CD163L1: variants seen among roughly 807,000 people sequenced by gnomAD.
CD163L1 encodes the protein scavenger receptor cysteine-rich type 1 protein M160.
CD163L1 carries 124 observed loss-of-function variants against 165.4 expected under a neutral mutation model. The observed-to-expected ratio is 0.75, with a 90% CI of 0.65 to 0.87. The LOEUF (loss-of-function observed/expected upper bound fraction) is 0.87, where lower values mean the gene tolerates loss of function less well. Among genes scored for constraint, CD163L1 ranks in the 40% least tolerant of loss-of-function variants. The pLI is 0.00. For missense variants in CD163L1, 1,525 were observed against 1,799.9 expected, an observed-to-expected ratio of 0.85 and a Z score of 2.76; for synonymous variants, 585 against 662.2, an observed-to-expected ratio of 0.88 and a Z score of 1.79.
Position 7,368,582 on chromosome 12 carries a change from A to AGG in CD163L1, c.4072+350_4072+351insCC, listed in dbSNP as rs1947071042. Among the ~76,000 whole-genome samples the AGG allele has an allele frequency of 7.0e-6, 1 of 143,032 alleles. No individual in the cohort carries two copies. 93.8% of individuals were successfully genotyped at this position (143,032 alleles called of 152,430 possible). A position where few individuals can be genotyped will look rare whatever the true frequency, so the allele number is the denominator to read the frequency against. On this transcript the variant is annotated intron_variant, in intron 16 of 19. Coordinates refer to ENST00000313599, the MANE Select transcript of CD163L1 (RefSeq NM_174941.6). The surrounding 1 kb of genome is among the most constrained non-coding windows in gnomAD (Gnocchi z 4.3). ...TCATTCTGTCACCCAGGCTGAGTGTACTGGCACGATCTCGGCTCACTGCAA... is the reference window on the plus strand; with the variant it reads ...TCATTCTGTCACCCAGGCTGAGTGTAGGCTGGCACGATCTCGGCTCACTGCAA...
intron 4 of CD163L1, among the ~76,000 whole-genome samples, chr12:7,423,227 C>T (rs1266897109): frequency 1.3e-5 from 2 of 152,116 alleles, no homozygotes; most frequent in Non-Finnish European, 2.9e-5. Context: ...TTCTGAATGA[C>T]TACTAAGTAA....
intron 4 of CD163L1, among the ~76,000 whole-genome samples, chr12:7,426,016 C>T (rs1307116645): frequency 6.6e-6 from 1 of 152,108 alleles, no homozygotes; most frequent in Non-Finnish European, 1.5e-5. Context: ...GTACTATTTA[C>T]AAAAGCAAAG....
chr12:7,443,278 T>A (rs1461591793), intron 1 of CD163L1, among the ~76,000 whole-genome samples: 1 of 152,246 alleles, frequency 6.6e-6, no homozygotes, highest in Admixed American at 6.5e-5. Context: ...GTAATTGCAC[T>A]GAGGAATGGC....
intron 8 of CD163L1, among the ~76,000 whole-genome samples, chr12:7,386,717 C>T (rs1017802963): frequency 9.3e-5 from 14 of 150,718 alleles, no homozygotes; most frequent in African/African-American, 3.4e-4. Flanking sequence ...GAATGAATGA[C>T]AAAAACCATA....
At position 7,398,121 on chromosome 12, in the gene CD163L1, GTGAAC is replaced by G; in HGVS notation, c.1729+138_1729+142del. Reference sequence around the variant, plus strand: ...TATAAGTGGAAGAGTTCCAGGTGAAGTGAACTGAAGTCTAATTTAAAGACAAGAGT... The same window carrying G: ...TATAAGTGGAAGAGTTCCAGGTGAAGTGAAGTCTAATTTAAAGACAAGAGT... On this transcript the variant is annotated intron_variant, in intron 7 of 19. Transcript: ENST00000313599. The surrounding 1 kb of genome is among the most constrained non-coding windows in gnomAD (Gnocchi z 4.5). 1 of 670,714 alleles carries G rather than the reference GTGAAC, an allele frequency of 1.5e-6. No homozygotes were observed. Among genetic ancestry groups the G allele is most frequent in the Non-Finnish European group, 2.5e-6 (1 of 400,618 alleles). 41.5% of individuals were successfully genotyped at this position (670,714 alleles called of 1,614,324 possible). A position where few individuals can be genotyped will look rare whatever the true frequency, so the allele number is the denominator to read the frequency against.
chr12:7,343,288 C>T (rs760519107), downstream of CD163L1, among the ~76,000 whole-genome samples: 15 of 152,176 alleles, frequency 9.9e-5, no homozygotes, highest in Non-Finnish European at 1.5e-4. Flanking sequence ...GAAGTTAAAA[C>T]GATTTGCGAA....
chr12:7,390,412 C>T (rs1015514311), intron 8 of CD163L1, among the ~76,000 whole-genome samples: 1 of 152,066 alleles, frequency 6.6e-6, no homozygotes, highest in Non-Finnish European at 1.5e-5. Flanking sequence ...ATCCTAAATA[C>T]CCTGAGTTGA....
In CD163L1 at chr12:7,369,481, A is replaced by T. The variant is rs746907494; in HGVS notation, c.3915T>A (p.Thr1305=). The T allele has an allele frequency of 4.3e-6, 7 of 1,614,164 alleles. No individual in the cohort carries two copies. Among genetic ancestry groups the T allele is most frequent in the Non-Finnish European group, 5.9e-6 (7 of 1,180,028 alleles). ...GCATGTCATCCAACCAGATGGTTCCAGTTCCCTGGCCAAACGAAGCGTCCC... is the reference window on the plus strand; with the variant it reads ...GCATGTCATCCAACCAGATGGTTCCTGTTCCCTGGCCAAACGAAGCGTCCC... ...ALRDASFGQG[T]GTIWLDDMRC... Residue 1305 remains threonine (T), a synonymous_variant, in exon 15 of 20, where the codon ACT becomes ACA. Coordinates refer to ENST00000313599, the MANE Select transcript of CD163L1 (RefSeq NM_174941.6). The surrounding 1 kb of genome is among the most constrained non-coding windows in gnomAD (Gnocchi z 4.9).
chr12:7,444,042 C>G (rs1215080887), intron 1 of CD163L1, 55 bp downstream of exon 1: 6 of 1,519,568 alleles, frequency 3.9e-6, no homozygotes, highest in Admixed American at 3.4e-5. Flanking sequence ...TACACATATT[C>G]TTAGTATACC....
the CD163L1 span, chr12:7,328,278 G>A: frequency 6.4e-7 from 1 of 1,570,012 alleles, no homozygotes; most frequent in South Asian, 1.2e-5. Flanking sequence ...GTTTTTTTCT[G>A]TCAATTAGGT....
the CD163L1 span, among the ~76,000 whole-genome samples, chr12:7,336,311 T>C: frequency 1.3e-5 from 2 of 150,594 alleles, no homozygotes; most frequent in Admixed American, 6.6e-5. Context: ...ATATACACCA[T>C]GGAATACTAT....
intron 4 of CD163L1, among the ~76,000 whole-genome samples, chr12:7,421,219 GTA>G (rs1358685295): frequency 1.3e-4 from 17 of 129,580 alleles, no homozygotes; most frequent in African/African-American, 3.1e-4. Flanking sequence ...ATATATATGT[GTA>G]TATATATGTA....
At chr12:7,401,358 T>C (rs760137502) in intron 6 of CD163L1, among the ~76,000 whole-genome samples, 41 of 151,944 alleles carry the variant, frequency 2.7e-4, no homozygotes, top group Non-Finnish European at 4.9e-4. Flanking sequence ...AGTGTTAATA[T>C]GATATAGTGG....
intron 1 of CD163L1, among the ~76,000 whole-genome samples, chr12:7,442,842 A>G (rs898825681): frequency 1.5e-4 from 23 of 152,232 alleles, no homozygotes; most frequent in Admixed American, 1.4e-3. Context: ...TAAAGAAAAA[A>G]GAATAGTAAG....
chr12:7,422,630 C>CAT (rs1247046685), intron 4 of CD163L1, among the ~76,000 whole-genome samples: 1 of 150,154 alleles, frequency 6.7e-6, no homozygotes, highest in Admixed American at 6.7e-5. Context: ...AAGGTTATTT[C>CAT]ATATATATAT....
chr12:7,396,135 A>G lies in CD163L1; in HGVS notation c.2010T>C (p.Asn670=), dbSNP rs112395441. The change falls in exon 8 of 20, where the codon AAT becomes AAC. Residue 670 remains asparagine, a synonymous_variant. Coordinates refer to ENST00000313599, the MANE Select transcript of CD163L1 (RefSeq NM_174941.6). Reference sequence around the variant, plus strand: ...CAACATCTTCACTGTGACTGCAGTCATTATTTCCCCACCCACTGTTCCTGC... The same window carrying G: ...CAACATCTTCACTGTGACTGCAGTCGTTATTTCCCCACCCACTGTTCCTGC... ...WSCRNSGWGN[N]DCSHSEDVGV... is the part of the protein sequence containing the mutation. 1.1e-5 allele frequency: 17 copies of G among 1,614,114 alleles called. No homozygotes were observed. In the African/African-American group the frequency reaches 1.1e-4, roughly 10 times the overall value.
chr12:7,421,615 ATATG>A (rs1402692214), intron 4 of CD163L1, among the ~76,000 whole-genome samples: 1,091 of 4,462 alleles, frequency 0.24, 57 homozygotes, highest in East Asian at 0.51. Flanking sequence ...ACATATACAT[ATATG>A]TACATATATA....
intron 4 of CD163L1, among the ~76,000 whole-genome samples, chr12:7,423,986 C>T (rs1948490225): frequency 6.6e-6 from 1 of 152,076 alleles, no homozygotes; most frequent in Admixed American, 6.6e-5. Context: ...TTTATGAGGC[C>T]AGCCTTATCC....
At chr12:7,380,359 A>ATACGCGTATACATACATGTATGTGTGTG (rs1947365958) in intron 8 of CD163L1, among the ~76,000 whole-genome samples, 1 of 147,782 alleles carries the variant, frequency 6.8e-6, no homozygotes, top group South Asian at 2.2e-4. Context: ...GTATGTGTGT[A>ATACGCGTATACATACATGTATGTGTGTG]TACGCGTATA....
Sources: gnomAD v4.1 joint callset for allele counts (sites outside exome capture counted in the v4.1 genomes callset) on GRCh38, gnomAD v4.1.1 for gene constraint, Gnocchi (gnomAD v3.1) non-coding constraint, MANE v1.5 for transcripts, NCBI Gene and HGNC (gene_info 2026-07-23, HGNC 2026-07-21) for gene names.